The following ADSS2 variants were observed in gnomAD, a reference collection of about 807,000 sequenced individuals.
ADSS2 encodes the protein adenylosuccinate synthetase isozyme 2.
A neutral mutation model predicts 60.0 loss-of-function variants in ADSS2; 30 were observed. That is an observed-to-expected ratio of 0.50 (90% confidence interval 0.37 to 0.68). The LOEUF is 0.68. ADSS2 is among the 30% of genes least tolerant of loss of function. The pLI, the probability that ADSS2 is intolerant of heterozygous loss-of-function variation, is 0.00. For missense variants in ADSS2, 373 were observed against 554.8 expected (o/e 0.67, Z 3.29); for synonymous variants, 187 against 193.1 (o/e 0.97, Z 0.26).
intron 10 of ADSS2, among the ~76,000 whole-genome samples, chr1:244,417,035 A>G (rs1016527325): frequency 1.3e-5 from 2 of 152,230 alleles, no homozygotes; most frequent in Non-Finnish European, 2.9e-5. Flanking sequence ...TTATTTACCT[A>G]TTCATGTATA....
chr1:244,434,283 A>T (rs571772898), intron 3 of ADSS2, among the ~76,000 whole-genome samples: 34 of 152,074 alleles, frequency 2.2e-4, no homozygotes, highest in African/African-American at 7.9e-4. Context: ...TTGAGCCCAG[A>T]AGGTAGAGGC....
chr1:244,434,543 G>A (rs1013115795), intron 3 of ADSS2, among the ~76,000 whole-genome samples: 2 of 152,164 alleles, frequency 1.3e-5, no homozygotes, highest in East Asian at 1.9e-4. Flanking sequence ...GAACCTCCTC[G>A]GTAATGTGCT....
At chr1:244,416,437 C>A (rs1664535264) in intron 10 of ADSS2, among the ~76,000 whole-genome samples, 1 of 152,212 alleles carries the variant, frequency 6.6e-6, no homozygotes, top group African/African-American at 2.4e-5. Context: ...TGCACCTCAG[C>A]CTCCTGAGTA....
At chr1:244,426,807 A>G (rs1382984492) in intron 4 of ADSS2, among the ~76,000 whole-genome samples, 1 of 152,090 alleles carries the variant, frequency 6.6e-6, no homozygotes, top group Non-Finnish European at 1.5e-5. Flanking sequence ...ACTGCCTGCC[A>G]TTGCCTAGCT....
chr1:244,421,617 T>C (rs1055629711), intron 7 of ADSS2, among the ~76,000 whole-genome samples: 5 of 152,234 alleles, frequency 3.3e-5, no homozygotes, highest in Non-Finnish European at 7.3e-5. Context: ...TAAAATGGAA[T>C]TGAAAAGCCA....
chr1:244,437,798 C>T, intron 1 of ADSS2, 30 bp from the exon 2 acceptor site: 1 of 1,469,102 alleles, frequency 6.8e-7, no homozygotes, highest in Non-Finnish European at 9.5e-7. Flanking sequence ...AAAATTGAGC[C>T]TGATGATAAA....
chr1:244,441,239 TA>T (rs1665239479), intron 1 of ADSS2, among the ~76,000 whole-genome samples: 1 of 152,058 alleles, frequency 6.6e-6, no homozygotes, highest in East Asian at 1.9e-4. Flanking sequence ...TTTGTATTTT[TA>T]GTAGAGACGG....
At chr1:244,445,900 G>A (rs897568546) in intron 1 of ADSS2, among the ~76,000 whole-genome samples, 1 of 152,154 alleles carries the variant, frequency 6.6e-6, no homozygotes, top group Admixed American at 6.5e-5. Context: ...CATGCACAAA[G>A]CCCAGAGGCA....
chr1:244,420,240 C>G lies in ADSS2; in HGVS notation c.720G>C (p.Glu240Asp). 1 of 1,613,588 alleles carries G rather than the reference C, an allele frequency of 6.2e-7. No individual in the cohort carries two copies. The highest frequency in any genetic ancestry group is 8.5e-7 in the Non-Finnish European group (1 of 1,179,750). The stretch of plus-strand genomic sequence containing the variant: ...TTTTCTTTGGTGGTCCATGTAGGGC[C>G]TCATATAGAAAATAAACTCCATCTC... ...MVRDGVYFLY[E>D]ALHGPPKKIL... is the part of the protein sequence containing the mutation. Residue 240 changes from glutamate (E) to aspartate (D), a missense_variant, in exon 8 of 13, where the codon GAG becomes GAC. By Grantham distance (45) the Glu-to-Asp change is conservative (BLOSUM62 2). This residue lies in a region of ADSS2 where 139 missense variants were observed against 189.4 expected (regional missense o/e 0.73). Coordinates refer to ENST00000366535, the MANE Select transcript of ADSS2 (RefSeq NM_001126.5).
chr1:244,426,450 A>G (rs7539522), intron 4 of ADSS2, among the ~76,000 whole-genome samples: 10,048 of 152,098 alleles, frequency 0.066, 787 homozygotes, highest in East Asian at 0.42. Context: ...AGACTTCACC[A>G]TGGCATGGAG....
chr1:244,434,584 C>T (rs183062995), intron 3 of ADSS2, among the ~76,000 whole-genome samples: 173 of 152,270 alleles, frequency 1.1e-3, no homozygotes, highest in African/African-American at 4.0e-3. Flanking sequence ...TAAGCCTCCC[C>T]TTCTACGGTT....
At position 244,409,362 on chromosome 1, in the gene ADSS2, G is replaced by A; in HGVS notation, c.*224C>T. ...AAAACGTGGCACCATGAGAGCAGCA[G>A]GAGCAACAAATGATTTGGCAATTCC... On this transcript the variant is annotated 3_prime_UTR_variant, in exon 13 of 13. Transcript: ENST00000366535. 1 of 427,466 alleles carries A rather than the reference G, an allele frequency of 2.3e-6. No homozygotes were observed. The highest frequency in any genetic ancestry group is 4.8e-5 in the South Asian group (1 of 20,876). The allele number at this position is 427,466 out of a possible 1,614,324, so 26.5% of individuals were successfully genotyped here.
At chr1:244,438,671 T>C (rs886397739) in intron 1 of ADSS2, among the ~76,000 whole-genome samples, 4 of 152,212 alleles carry the variant, frequency 2.6e-5, no homozygotes, top group African/African-American at 9.6e-5. Context: ...AATAAAAACT[T>C]TAACAACATC....
chr1:244,433,496 C>T (rs1414950243), intron 3 of ADSS2, among the ~76,000 whole-genome samples: 1 of 152,090 alleles, frequency 6.6e-6, no homozygotes, highest in Non-Finnish European at 1.5e-5. Context: ...AGGTTAGGTA[C>T]CTGGCAGGGA....
chr1:244,422,101 A>AT (rs1664688656), intron 7 of ADSS2, among the ~76,000 whole-genome samples: 1 of 152,170 alleles, frequency 6.6e-6, no homozygotes. Context: ...TGTAGGTCAT[A>AT]TTTTTTTAGA....
At chr1:244,442,993 T>C (rs192187853) in intron 1 of ADSS2, among the ~76,000 whole-genome samples, 228 of 152,172 alleles carry the variant, frequency 1.5e-3, no homozygotes, top group African/African-American at 5.3e-3. Flanking sequence ...CTCCCACCTA[T>C]GTATTAGAAG....
At chr1:244,430,327 G>T (rs771656802) in intron 4 of ADSS2, among the ~76,000 whole-genome samples, 11 of 152,148 alleles carry the variant, frequency 7.2e-5, no homozygotes, top group Non-Finnish European at 1.6e-4. Flanking sequence ...CAAAGCAATT[G>T]CAATGAAGAA....
rs1354317551 is a variant in ADSS2, at chr1:244,415,008, C to T, written c.1168+973G>A. On this transcript the variant is annotated intron_variant, in intron 11 of 12. Coordinates refer to ENST00000366535, the MANE Select transcript of ADSS2 (RefSeq NM_001126.5). ...TCTACTACACTTCTTGGATACAAAT[C>T]TCCATCTCAAGAGTGGTTCCGGGGG... is the stretch of plus-strand genomic sequence containing the variant. Among the ~76,000 whole-genome samples the T allele has an allele frequency of 2.0e-5, 3 of 152,226 alleles. No individual in the cohort carries two copies. In the East Asian group the frequency reaches 5.8e-4, roughly 29 times the overall value.
In ADSS2 at chr1:244,449,858, C is replaced by T. The variant is rs1219818161; in HGVS notation, c.183+1777G>A. On this transcript the variant is annotated intron_variant, in intron 1 of 12. Coordinates refer to ENST00000366535, the MANE Select transcript of ADSS2 (RefSeq NM_001126.5). ...ATCACTTCTCTAGCCTTTCCAAGGG[C>T]ATCAGATCAGGTTGGTCCATGACTT... Among the ~76,000 whole-genome samples the T allele has an allele frequency of 2.6e-5, 4 of 152,172 alleles. No individual in the cohort carries two copies. The East Asian group carries it at 7.7e-4, about 29-fold the overall frequency.
Sources: allele counts gnomAD v4.1 joint callset (sites outside exome capture counted in the v4.1 genomes callset), GRCh38; gene constraint gnomAD v4.1.1; regional missense constraint gnomAD v4.1.1; transcripts MANE v1.5; gene names NCBI Gene and HGNC (gene_info 2026-07-23, HGNC 2026-07-21).